MAP3K1: variants seen among roughly 807,000 people sequenced by gnomAD.
The protein encoded by MAP3K1 is MAP/ERK kinase kinase 1.
A neutral mutation model predicts 144.2 loss-of-function variants in MAP3K1; 36 were observed. The observed-to-expected ratio is 0.25, with a 90% confidence interval of 0.19 to 0.33. MAP3K1 has a LOEUF of 0.33. Ranked by LOEUF, MAP3K1 falls within the 10% of genes least tolerant of loss-of-function variation. MAP3K1 has a pLI of 1.00. For missense variants in MAP3K1, 1,650 were observed against 1,881.9 expected (o/e 0.88, Z 2.28); for synonymous variants, 718 against 688.7 (o/e 1.04, Z -0.67).
intron 1 of MAP3K1, among the ~76,000 whole-genome samples, chr5:56,845,531 T>C (rs997561559): frequency 6.6e-6 from 1 of 152,154 alleles, no homozygotes; most frequent in East Asian, 1.9e-4. Flanking sequence ...TAGTGTAACG[T>C]CTCTCTAGGT....
chr5:56,821,759 T>C (rs1166973710), intron 1 of MAP3K1, among the ~76,000 whole-genome samples: 1 of 152,194 alleles, frequency 6.6e-6, no homozygotes, highest in African/African-American at 2.4e-5. Context: ...CTTATGGTAT[T>C]CTGAATACTA....
At chr5:56,835,788 T>C (rs1274934926) in intron 1 of MAP3K1, among the ~76,000 whole-genome samples, 1 of 151,992 alleles carries the variant, frequency 6.6e-6, no homozygotes, top group Non-Finnish European at 1.5e-5. Flanking sequence ...GTGGTTAAAG[T>C]AGTGAGCATG....
rs1748677008 is a variant in MAP3K1, at chr5:56,895,466, T to C, written c.*1786T>C. 1 of 231,538 alleles carries C rather than the reference T, an allele frequency of 4.3e-6. No individual in the cohort carries two copies. Among genetic ancestry groups the C allele is most frequent in the Non-Finnish European group, 8.5e-6 (1 of 117,024 alleles). 14.3% of individuals were successfully genotyped at this position (231,538 alleles called of 1,614,324 possible). On this transcript the variant is annotated 3_prime_UTR_variant, in exon 20 of 20. Transcript: ENST00000399503. ...TTTAAAGGATGCACTCTTGCCATTT[T>C]ATGTACTGGAAGATCATTGGTCAGA...
rs755121595 is a variant in MAP3K1, at chr5:56,883,687, T to C, written c.3819+8T>C. 1.1e-5 allele frequency: 17 copies of C among 1,613,586 alleles called. No homozygotes were observed. Among genetic ancestry groups the C allele is most frequent in the South Asian group, 9.9e-5 (9 of 91,080 alleles). Reference sequence around the variant, plus strand: ...TTAATGGCTGTTAAACAGGTAAATATCTAGTGAGCATATAAATGAAATGAC... The same window carrying C: ...TTAATGGCTGTTAAACAGGTAAATACCTAGTGAGCATATAAATGAAATGAC... On this transcript the variant is annotated splice_region_variant and intron_variant, in intron 15 of 19. Coordinates refer to ENST00000399503, the MANE Select transcript of MAP3K1 (RefSeq NM_005921.2).
intron 1 of MAP3K1, among the ~76,000 whole-genome samples, chr5:56,830,917 T>C (rs1183166289): frequency 8.7e-6 from 1 of 114,654 alleles, no homozygotes; most frequent in East Asian, 4.1e-4. Context: ...CTAGGATTGA[T>C]TTTTTTTTTT....
At chr5:56,872,792 T>G (rs1747895367) in intron 8 of MAP3K1, 33 bp from the exon 9 acceptor site, 1 of 1,613,488 alleles carries the variant, frequency 6.2e-7, no homozygotes, top group East Asian at 2.2e-5. Context: ...GTCTTAATTT[T>G]TTTAAAGCAA....
At chr5:56,843,345 C>T (rs899116758) in intron 1 of MAP3K1, among the ~76,000 whole-genome samples, 13 of 152,342 alleles carry the variant, frequency 8.5e-5, no homozygotes, top group African/African-American at 3.1e-4. Flanking sequence ...ACCTGCTTCA[C>T]CCACCAGTCC....
intron 1 of MAP3K1, among the ~76,000 whole-genome samples, chr5:56,847,272 C>T (rs1178232137): frequency 6.6e-6 from 1 of 152,142 alleles, no homozygotes; most frequent in East Asian, 1.9e-4. Context: ...TGTTGAAGTA[C>T]ATCCATAATG....
rs749789740 is a variant in MAP3K1 at position 56,893,635 on chromosome 5, A to G, written c.4494A>G (p.Pro1498=). The G allele has an allele frequency of 1.9e-6, 3 of 1,613,894 alleles. No individual in the cohort carries two copies. The Admixed American group carries it at 5.0e-5, about 27-fold the overall frequency. Reference sequence around the variant, plus strand: ...AACTTCAACCTCAGGACAGACCTCCATCAAGAGAGCTACTGAAGCATCCAG... The same window carrying G: ...AACTTCAACCTCAGGACAGACCTCCGTCAAGAGAGCTACTGAAGCATCCAG... ...CLELQPQDRP[P]SRELLKHPVF... The change falls in exon 20 of 20, where the codon CCA becomes CCG. Residue 1498 remains proline, a synonymous_variant. Transcript: ENST00000399503.
At chr5:56,872,381 G>C (rs1747882557) in intron 7 of MAP3K1, among the ~76,000 whole-genome samples, 1 of 152,168 alleles carries the variant, frequency 6.6e-6, no homozygotes, top group African/African-American at 2.4e-5. Context: ...GTAAGGTTTG[G>C]AAGGACTTTA....
At chr5:56,835,701 G>A (rs567132161) in intron 1 of MAP3K1, among the ~76,000 whole-genome samples, 1 of 151,854 alleles carries the variant, frequency 6.6e-6, no homozygotes, top group East Asian at 1.9e-4. Context: ...GGGGTTTGGT[G>A]GTTTTTTGTT....
At chr5:56,878,830 T>G (rs1482517243) in intron 10 of MAP3K1, 150 bp from the exon 11 acceptor site, 1 of 695,980 alleles carries the variant, frequency 1.4e-6, no homozygotes, top group African/African-American at 1.8e-5. Flanking sequence ...TTAGTTGTAT[T>G]ATTACAGAAG....
At chr5:56,862,734 G>C (rs1397557838) in intron 3 of MAP3K1, among the ~76,000 whole-genome samples, 1 of 152,070 alleles carries the variant, frequency 6.6e-6, no homozygotes, top group East Asian at 1.9e-4. Flanking sequence ...ATACCTAGCA[G>C]GTCAAAATGA....
At chr5:56,826,683 C>T (rs1746325546) in intron 1 of MAP3K1, among the ~76,000 whole-genome samples, 1 of 152,364 alleles carries the variant, frequency 6.6e-6, no homozygotes, top group African/African-American at 2.4e-5. Context: ...TGTAGGTGAG[C>T]AAGCACGTTA....
intron 1 of MAP3K1, among the ~76,000 whole-genome samples, chr5:56,848,406 C>G (rs1743705391): frequency 6.6e-6 from 1 of 152,018 alleles, no homozygotes; most frequent in Non-Finnish European, 1.5e-5. Flanking sequence ...CTTCTTAGAT[C>G]TTTGTTGATT....
intron 1 of MAP3K1, among the ~76,000 whole-genome samples, chr5:56,846,892 A>G (rs372033294): frequency 2.6e-5 from 4 of 152,244 alleles, no homozygotes; most frequent in Admixed American, 2.6e-4. Context: ...TGAACAGAAC[A>G]TCTCAATTCT....
At chr5:56,889,441 C>T (rs750887032) in intron 19 of MAP3K1, among the ~76,000 whole-genome samples, 10 of 152,178 alleles carry the variant, frequency 6.6e-5, no homozygotes, top group Non-Finnish European at 1.2e-4. Flanking sequence ...GGATTACAGG[C>T]GTGAGCCACC....
intron 1 of MAP3K1, among the ~76,000 whole-genome samples, chr5:56,823,829 G>A (rs1053069504): frequency 3.9e-5 from 6 of 152,208 alleles, no homozygotes; most frequent in Admixed American, 3.9e-4. Context: ...TTATAGGTAA[G>A]AAGAGTCTGC....
At chr5:56,832,325 A>G (rs1746518206) in intron 1 of MAP3K1, among the ~76,000 whole-genome samples, 1 of 152,194 alleles carries the variant, frequency 6.6e-6, no homozygotes. Flanking sequence ...TTGTTGAGAG[A>G]TTTCCTACTT....
Sources: allele counts gnomAD v4.1 joint callset (sites outside exome capture counted in the v4.1 genomes callset), GRCh38; gene constraint gnomAD v4.1.1; transcripts MANE v1.5; gene names NCBI Gene and HGNC (gene_info 2026-07-23, HGNC 2026-07-21).